The following ENOX1 variants were observed in gnomAD, a reference collection of about 807,000 sequenced individuals.
ENOX1 encodes candidate growth-related and time keeping constitutive hydroquinone (NADH) oxidase.
ENOX1 carries 42 observed loss-of-function variants against 82.5 expected under a neutral mutation model. That is an observed-to-expected ratio of 0.51 (90% CI 0.40 to 0.66). The LOEUF is 0.66. Ranked by LOEUF, ENOX1 falls within the 30% of genes least tolerant of loss-of-function variation. ENOX1 has a pLI of 0.00. For synonymous variants in ENOX1, 271 were observed against 282.2 expected (o/e 0.96, Z 0.40); for missense variants, 608 against 811.6 (o/e 0.75, Z 3.05).
At chr13:43,263,021 A>C (rs569346453) in intron 14 of ENOX1, among the ~76,000 whole-genome samples, 1 of 151,896 alleles carries the variant, frequency 6.6e-6, no homozygotes, top group East Asian at 1.9e-4. Flanking sequence ...TGAGACGTAG[A>C]CTTCATTTCA....
chr13:43,445,149 AGTCT>A (rs1409448256), intron 3 of ENOX1, among the ~76,000 whole-genome samples: 2 of 125,868 alleles, frequency 1.6e-5, no homozygotes, highest in African/African-American at 5.8e-5. Context: ...TTTGATACGG[AGTCT>A]TGCTTTGTTG....
rs148582556 is a variant in ENOX1, at chr13:43,502,938, C to A, written c.-218-18786G>T. ...AAGAAAAAATAAAATAATCTGTTTG[C>A]TGATGACATGATTTTATATACAGAA... is the stretch of plus-strand genomic sequence containing the variant. On this transcript the variant is annotated intron_variant, in intron 2 of 16. Transcript: ENST00000690772. 2.0e-5 allele frequency among the ~76,000 whole-genome samples: 3 copies of A among 151,486 alleles called. No homozygotes were observed. The South Asian group carries it at 6.2e-4, about 31-fold the overall frequency.
chr13:43,356,493 G>C (rs1365060265), intron 7 of ENOX1, among the ~76,000 whole-genome samples: 1 of 152,100 alleles, frequency 6.6e-6, no homozygotes, highest in African/African-American at 2.4e-5. Context: ...AGGAAGCTCA[G>C]AAACAAATTT....
chr13:43,650,783 A>T (rs1430849084), intron 2 of ENOX1, among the ~76,000 whole-genome samples: 1 of 152,186 alleles, frequency 6.6e-6, no homozygotes, highest in Non-Finnish European at 1.5e-5. Context: ...GGTTGCAGTG[A>T]GCTGAGATCA....
chr13:43,554,642 T>C (rs1420595774), intron 2 of ENOX1, among the ~76,000 whole-genome samples: 1 of 152,176 alleles, frequency 6.6e-6, no homozygotes, highest in Non-Finnish European at 1.5e-5. Flanking sequence ...AGTGGCACCA[T>C]CTTGGTTCAC....
At chr13:43,398,362 T>C (rs1352207704) in intron 5 of ENOX1, among the ~76,000 whole-genome samples, 3 of 151,834 alleles carry the variant, frequency 2.0e-5, no homozygotes, top group Admixed American at 1.3e-4. Flanking sequence ...CAAATGAGGA[T>C]TTTTTTGTTT....
intron 1 of ENOX1, among the ~76,000 whole-genome samples, chr13:43,741,625 A>G (rs926945935): frequency 6.6e-6 from 1 of 152,178 alleles, no homozygotes; most frequent in African/African-American, 2.4e-5. Flanking sequence ...AGTTCTTTAC[A>G]TATCCAATAT....
intron 2 of ENOX1, among the ~76,000 whole-genome samples, chr13:43,511,554 A>G (rs1217790677): frequency 1.3e-5 from 2 of 152,144 alleles, no homozygotes; most frequent in African/African-American, 4.8e-5. Context: ...CCACCTCTCA[A>G]GCATGTATTC....
chr13:43,525,530 T>G (rs913538202), intron 2 of ENOX1, among the ~76,000 whole-genome samples: 2 of 152,156 alleles, frequency 1.3e-5, no homozygotes, highest in African/African-American at 2.4e-5. Flanking sequence ...ATGGCAATTC[T>G]ATTTTTGTTT....
intron 2 of ENOX1, among the ~76,000 whole-genome samples, chr13:43,497,600 A>G (rs1178050828): frequency 6.6e-6 from 1 of 152,182 alleles, no homozygotes; most frequent in Non-Finnish European, 1.5e-5. Flanking sequence ...GTATGTTAAT[A>G]CATAATAACA....
intron 4 of ENOX1, 67 bp downstream of exon 4, chr13:43,412,778 G>T: frequency 6.3e-7 from 1 of 1,591,532 alleles, no homozygotes; most frequent in South Asian, 1.1e-5. Flanking sequence ...TTCAAGGTGG[G>T]GCAAGCTTTT....
intron 2 of ENOX1, among the ~76,000 whole-genome samples, chr13:43,583,127 A>C (rs1566574449): frequency 3.3e-5 from 5 of 152,168 alleles, no homozygotes; most frequent in Non-Finnish European, 7.3e-5. Flanking sequence ...GGAAGAAAAG[A>C]CTAGGACAGT....
intron 1 of ENOX1, among the ~76,000 whole-genome samples, chr13:43,769,492 T>C (rs1290999558): frequency 6.6e-6 from 1 of 152,172 alleles, no homozygotes; most frequent in African/African-American, 2.4e-5. Context: ...AGTAAGTGCA[T>C]AGATGGCCAT....
chr13:43,655,132 C>T (rs147448766), intron 2 of ENOX1, among the ~76,000 whole-genome samples: 4 of 152,100 alleles, frequency 2.6e-5, no homozygotes, highest in Admixed American at 6.5e-5. Flanking sequence ...TAATTCCTAC[C>T]GCGCTCCTTA....
At position 43,253,038 on chromosome 13, in the gene ENOX1, T is replaced by C. The variant is rs567979273; in HGVS notation, c.1611+12360A>G. On this transcript the variant is annotated intron_variant, in intron 14 of 16. Coordinates refer to ENST00000690772, the MANE Select transcript of ENOX1 (RefSeq NM_001347969.2). ...CAAACATGTTACTTGTAGACTGACA[T>C]TTGAGCTTTTTTGCTTCCAATTCAA... Among the ~76,000 whole-genome samples the C allele has an allele frequency of 4.6e-5, 7 of 152,346 alleles. No homozygotes were observed. In the South Asian group the frequency reaches 1.5e-3, roughly 32 times the overall value.
chr13:43,434,750 T>C (rs2055888366), intron 3 of ENOX1, among the ~76,000 whole-genome samples: 1 of 152,114 alleles, frequency 6.6e-6, no homozygotes, highest in Admixed American at 6.5e-5. Flanking sequence ...CATCATTGTT[T>C]AGGATGAGGC....
intron 15 of ENOX1, among the ~76,000 whole-genome samples, chr13:43,230,021 G>C (rs2042207148): frequency 6.6e-6 from 1 of 152,182 alleles, no homozygotes; most frequent in Admixed American, 6.5e-5. Flanking sequence ...TGAAGCCAAA[G>C]TATTCATTGA....
At chr13:43,265,533 A>G in intron 13 of ENOX1, 79 bp from the exon 14 acceptor site, 1 of 1,218,064 alleles carries the variant, frequency 8.2e-7, no homozygotes, top group Non-Finnish European at 1.2e-6. Flanking sequence ...CATCTTGTTA[A>G]CTGATTTATC....
intron 1 of ENOX1, among the ~76,000 whole-genome samples, chr13:43,710,176 A>T (rs945324477): frequency 1.3e-5 from 2 of 152,190 alleles, no homozygotes; most frequent in Admixed American, 6.5e-5. Context: ...GGAGGGAAAG[A>T]CAGTGGCAGG....
Sources: allele counts gnomAD v4.1 joint callset (sites outside exome capture counted in the v4.1 genomes callset), GRCh38; gene constraint gnomAD v4.1.1; transcripts MANE v1.5; gene names NCBI Gene and HGNC (gene_info 2026-07-23, HGNC 2026-07-21).